Variants in CCDC40 observed in about 807,000 individuals in gnomAD.
CCDC40 encodes the protein coiled-coil domain 40 molecular ruler complex subunit.
CCDC40 carries 104 observed loss-of-function variants against 124.5 expected under a neutral mutation model. That is an observed-to-expected ratio of 0.84 (90% confidence interval 0.71 to 0.98). The LOEUF is 0.98. Ranked by LOEUF, CCDC40 falls within the 50% of genes least tolerant of loss-of-function variation. CCDC40 has a pLI of 0.00. For missense variants in CCDC40, 1,463 were observed against 1,503.9 expected (o/e 0.97, Z 0.45); for synonymous variants, 580 against 602.9 (o/e 0.96, Z 0.56).
intron 16 of CCDC40, among the ~76,000 whole-genome samples, chr17:80,088,934 G>A (rs756426369): frequency 6.6e-5 from 10 of 152,222 alleles, no homozygotes; most frequent in Non-Finnish European, 1.2e-4. Flanking sequence ...GCTAGAAATT[G>A]AAGGGTTTCC....
At position 80,087,855 on chromosome 17, in the gene CCDC40, C is replaced by G. The variant is rs2038620946; in HGVS notation, c.2619+79C>G. The G allele has an allele frequency of 1.4e-6, 2 of 1,408,144 alleles. No individual in the cohort carries two copies. Among genetic ancestry groups the G allele is most frequent in the Admixed American group, 1.7e-5 (1 of 59,766 alleles). The allele number at this position is 1,408,144 out of a possible 1,614,324, so 87.2% of individuals were successfully genotyped here. A position where few individuals can be genotyped will look rare whatever the true frequency, so the allele number is the denominator to read the frequency against. On this transcript the variant is annotated intron_variant, in intron 15 of 19. Coordinates refer to ENST00000397545, the MANE Select transcript of CCDC40 (RefSeq NM_017950.4). This position sits in a 1 kb window ranked among gnomAD's most constrained non-coding sequence, Gnocchi z 4.5. ...CGGTCCTTGCGGTGGGCGTTCTGCA[C>G]CAGGATGTAATTTCCACACCCGTTC...
At chr17:80,080,903 T>G (rs62075561) in intron 10 of CCDC40, among the ~76,000 whole-genome samples, 13,088 of 152,146 alleles carry the variant, frequency 0.086, 652 homozygotes, top group Middle Eastern at 0.13. Context: ...TATTTCTGAA[T>G]AGCTAGAGGA....
chr17:80,066,251 C>G lies in CCDC40; in HGVS notation c.1562+645C>G. 1 of 697,300 alleles carries G rather than the reference C, an allele frequency of 1.4e-6. No homozygotes were observed. The highest frequency in any genetic ancestry group is 2.6e-6 in the Non-Finnish European group (1 of 381,866). 43.2% of individuals were successfully genotyped at this position (697,300 alleles called of 1,614,324 possible). On this transcript the variant is annotated intron_variant, in intron 10 of 19. Transcript: ENST00000397545. This position sits in a 1 kb window ranked among gnomAD's most constrained non-coding sequence, Gnocchi z 4.4. Reference sequence around the variant, plus strand: ...TCCACCCCTTGTGCCCAGCACAGAGCCTGGCATACAGCAAGCGCTCAAGAA... The same window carrying G: ...TCCACCCCTTGTGCCCAGCACAGAGGCTGGCATACAGCAAGCGCTCAAGAA...
chr17:80,084,261 T>C (rs951120194), intron 12 of CCDC40, among the ~76,000 whole-genome samples: 2 of 152,162 alleles, frequency 1.3e-5, no homozygotes, highest in African/African-American at 4.8e-5. Flanking sequence ...CTTACAATCA[T>C]GGCAAAAGGC....
intron 10 of CCDC40, 70 bp downstream of exon 10, chr17:80,065,676 C>G: frequency 1.3e-6 from 2 of 1,592,688 alleles, no homozygotes; most frequent in East Asian, 2.2e-5. Context: ...CGCCCCACAC[C>G]CCCTCTCTCT....
chr17:80,058,412 C>T lies in CCDC40; in HGVS notation c.1160-82C>T. The T allele has an allele frequency of 7.4e-7, 1 of 1,345,384 alleles. No individual in the cohort carries two copies. Among genetic ancestry groups the T allele is most frequent in the Non-Finnish European group, 1.1e-6 (1 of 945,666 alleles). 83.3% of individuals were successfully genotyped at this position (1,345,384 alleles called of 1,614,324 possible). A position where few individuals can be genotyped will look rare whatever the true frequency, so the allele number is the denominator to read the frequency against. On this transcript the variant is annotated intron_variant, in intron 7 of 19. Transcript: ENST00000397545. This position sits in a 1 kb window ranked among gnomAD's most constrained non-coding sequence, Gnocchi z 4.2. ...TGCCCAGAACGGCTGTTCCCTGCTT[C>T]CTCCTGGGTCTCTGCATGGGGGACG...
At chr17:80,084,138 G>T (rs2038523041) in intron 12 of CCDC40, among the ~76,000 whole-genome samples, 1 of 152,224 alleles carries the variant, frequency 6.6e-6, no homozygotes, top group African/African-American at 2.4e-5. Flanking sequence ...GATTTAAGAA[G>T]TGTGTTAGTC....
intron 1 of CCDC40, among the ~76,000 whole-genome samples, chr17:80,037,688 A>ATATATATATATATATATATATAT (rs1555889124): frequency 4.4e-5 from 2 of 45,676 alleles, no homozygotes; most frequent in African/African-American, 5.9e-5. Context: ...TTTTTTAAAA[A>ATATATATATATATATATATATAT]AGATATACAT....
At chr17:80,073,916 C>T (rs142175721) in intron 10 of CCDC40, among the ~76,000 whole-genome samples, 7 of 151,938 alleles carry the variant, frequency 4.6e-5, no homozygotes, top group Non-Finnish European at 8.8e-5. Context: ...GAACTCCTGA[C>T]GTCAAATGAT....
chr17:80,057,451 C>T (rs2037778481), intron 7 of CCDC40, among the ~76,000 whole-genome samples: 1 of 152,194 alleles, frequency 6.6e-6, no homozygotes, highest in Non-Finnish European at 1.5e-5. Context: ...TGATATGCGT[C>T]CAGCAGCCTT....
At position 80,066,261 on chromosome 17, in the gene CCDC40, A is replaced by G; in HGVS notation, c.1562+655A>G. On this transcript the variant is annotated intron_variant, in intron 10 of 19. Transcript: ENST00000397545. The surrounding 1 kb of genome is among the most constrained non-coding windows in gnomAD (Gnocchi z 4.4). ...GTGCCCAGCACAGAGCCTGGCATAC[A>G]GCAAGCGCTCAAGAAAGGCTGGACC... The G allele has an allele frequency of 2.9e-6, 2 of 688,854 alleles. No homozygotes were observed. The highest frequency in any genetic ancestry group is 3.0e-5 in the South Asian group (2 of 65,888). 42.7% of individuals were successfully genotyped at this position (688,854 alleles called of 1,614,324 possible). A position where few individuals can be genotyped will look rare whatever the true frequency, so the allele number is the denominator to read the frequency against.
At chr17:80,053,328 G>A (rs1490876797) in intron 7 of CCDC40, among the ~76,000 whole-genome samples, 1 of 152,218 alleles carries the variant, frequency 6.6e-6, no homozygotes, top group Non-Finnish European at 1.5e-5. Flanking sequence ...GCCGGGCCTG[G>A]GCTACGCTTT....
chr17:80,080,424 T>C (rs917108543), intron 10 of CCDC40, among the ~76,000 whole-genome samples: 3 of 152,192 alleles, frequency 2.0e-5, no homozygotes, highest in African/African-American at 7.2e-5. Context: ...GTATTTTAGA[T>C]CTGATTATCC....
chr17:80,047,035 G>T (rs529995635), intron 3 of CCDC40, among the ~76,000 whole-genome samples: 3 of 152,078 alleles, frequency 2.0e-5, no homozygotes, highest in Non-Finnish European at 4.4e-5. Context: ...TGGTAGAGAC[G>T]GGGTTTCGCC....
At position 80,066,761 on chromosome 17, in the gene CCDC40, A is replaced by G. The variant is rs2038058379; in HGVS notation, c.1562+1155A>G. The G allele has an allele frequency of 6.6e-6, 1 of 152,638 alleles. No individual in the cohort carries two copies. The highest frequency in any genetic ancestry group is 2.4e-5 in the African/African-American group (1 of 41,440). 9.5% of individuals were successfully genotyped at this position (152,638 alleles called of 1,614,324 possible). ...AGACTCTGTCTCAAAAAAAATAAAA[A>G]TAATAATAATACTCATTTCCTTCAC... On this transcript the variant is annotated intron_variant, in intron 10 of 19. Transcript: ENST00000397545. The surrounding 1 kb of genome is among the most constrained non-coding windows in gnomAD (Gnocchi z 4.4).
chr17:80,077,217 A>G (rs900335517), intron 10 of CCDC40, among the ~76,000 whole-genome samples: 1 of 152,130 alleles, frequency 6.6e-6, no homozygotes, highest in Non-Finnish European at 1.5e-5. Flanking sequence ...CCGGCTCAAC[A>G]TACATTTTAC....
intron 9 of CCDC40, among the ~76,000 whole-genome samples, chr17:80,061,159 C>T (rs902397170): frequency 1.3e-5 from 2 of 151,444 alleles, no homozygotes; most frequent in African/African-American, 2.4e-5. Flanking sequence ...CAGCCTGGCC[C>T]GCATGGCAAA....
At chr17:80,061,435 C>T (rs532691702) in intron 9 of CCDC40, among the ~76,000 whole-genome samples, 3 of 150,342 alleles carry the variant, frequency 2.0e-5, no homozygotes, top group Non-Finnish European at 3.0e-5. Context: ...CAGATGAAGG[C>T]GGGGAGACAG....
rs558574170 is a variant in CCDC40 at position 80,036,698 on chromosome 17, C to G, written c.29+7C>G. 1.0e-5 allele frequency: 15 copies of G among 1,463,150 alleles called. No homozygotes were observed. The African/African-American group carries it at 1.2e-4, about 11-fold the overall frequency. The allele number at this position is 1,463,150 out of a possible 1,614,324, so 90.6% of individuals were successfully genotyped here. On this transcript the variant is annotated splice_region_variant and intron_variant, in intron 1 of 19. Coordinates refer to ENST00000397545, the MANE Select transcript of CCDC40 (RefSeq NM_017950.4). ...CGGGCGGCGCGGCGGGCCGGTAAGCCGGGCCGAGGGGCAGCGGGTCTTGGA... is the reference window on the plus strand; with the variant it reads ...CGGGCGGCGCGGCGGGCCGGTAAGCGGGGCCGAGGGGCAGCGGGTCTTGGA...
Sources: allele counts gnomAD v4.1 joint callset (sites outside exome capture counted in the v4.1 genomes callset), GRCh38; gene constraint gnomAD v4.1.1; non-coding constraint Gnocchi (gnomAD v3.1); transcripts MANE v1.5; gene names NCBI Gene and HGNC (gene_info 2026-07-23, HGNC 2026-07-21).